Variants in A2M observed in about 807,000 individuals in gnomAD.
A2M encodes C3 and PZP-like alpha-2-macroglobulin domain-containing protein 5.
Under a neutral mutation model 183.9 loss-of-function variants are expected in A2M, and 128 were observed. The observed-to-expected ratio is 0.70, with a 90% CI of 0.60 to 0.81. A2M has a LOEUF of 0.81. Ranked by LOEUF, A2M falls within the 30% of genes least tolerant of loss-of-function variation. The pLI is 0.00. For synonymous variants in A2M, 592 were observed against 670.8 expected (o/e 0.88, Z 1.81); for missense variants, 1,495 against 1,787.6 (o/e 0.84, Z 2.95).
At chr12:9,108,696 G>A (rs1466546322) in intron 7 of A2M, among the ~76,000 whole-genome samples, 1 of 152,156 alleles carries the variant, frequency 6.6e-6, no homozygotes, top group African/African-American at 2.4e-5. Context: ...GTGCCACCAT[G>A]GATGGGAACA....
intron 15 of A2M, among the ~76,000 whole-genome samples, chr12:9,095,993 T>C (rs1357209581): frequency 1.3e-5 from 2 of 151,274 alleles, no homozygotes; most frequent in Non-Finnish European, 2.9e-5. Flanking sequence ...TCTCCTGACC[T>C]CATGATCCAC....
At chr12:9,104,102 A>T in intron 11 of A2M, 137 bp downstream of exon 11, 2 of 851,260 alleles carry the variant, frequency 2.3e-6, no homozygotes, top group Non-Finnish European at 3.5e-6. Flanking sequence ...TAAAAAAGTT[A>T]ACCTTCAATC....
chr12:9,087,694 A>T (rs1949089577), intron 22 of A2M, among the ~76,000 whole-genome samples: 1 of 152,150 alleles, frequency 6.6e-6, no homozygotes, highest in Non-Finnish European at 1.5e-5. Flanking sequence ...GGTTAGCTTG[A>T]TTTAATTATT....
At position 9,069,845 on chromosome 12, in the gene A2M, T is replaced by C. The variant is rs886205090; in HGVS notation, c.4195-32A>G. On this transcript the variant is annotated intron_variant, in intron 32 of 35. Transcript: ENST00000318602. ...AAAATTGAAATACCACAAATGTTAA[T>C]AAATAGATGAAACCCCTGGGGGATC... 5.0e-6 allele frequency: 8 copies of C among 1,600,850 alleles called. No individual in the cohort carries two copies. In the Admixed American group the frequency reaches 8.3e-5, roughly 17 times the overall value.
At position 9,072,799 on chromosome 12, in the gene A2M, G is replaced by T. The variant is rs372114265; in HGVS notation, c.3829C>A (p.Gln1277Lys). The change falls in exon 30 of 36, where the codon CAG becomes AAG. Residue 1277 changes from glutamine to lysine, a missense_variant. By Grantham distance (53) the Gln-to-Lys change is moderately conservative. Coordinates refer to ENST00000318602, the MANE Select transcript of A2M (RefSeq NM_000014.6). The part of the protein sequence containing the change: ...ATFTRTGKAA[Q>K]VTIQSSGTFS... ...GTCCCTGAAGACTGGATAGTCACCT[G>T]TGCAGCCTTCCCAGTCCTGGTAAAT... is the stretch of plus-strand genomic sequence containing the variant. The T allele has an allele frequency of 3.1e-5, 50 of 1,614,212 alleles. No homozygotes were observed. In the African/African-American group the frequency reaches 6.0e-4, roughly 19 times the overall value.
chr12:9,115,704 A>T, intron 1 of A2M, 60 bp downstream of exon 1: 2 of 1,296,376 alleles, frequency 1.5e-6, no homozygotes, highest in Non-Finnish European at 2.2e-6. Flanking sequence ...ATATAAAGAA[A>T]AATCTGCAAT....
chr12:9,075,873 G>A (rs2137676936), intron 28 of A2M, among the ~76,000 whole-genome samples: 1 of 152,252 alleles, frequency 6.6e-6, no homozygotes, highest in Admixed American at 6.5e-5. Context: ...CTATGAGAGA[G>A]TTGTACAGTG....
rs754056581 is a variant in A2M, at chr12:9,079,258, G to C, written c.3105C>G (p.Asn1035Lys). Residue 1035 changes from asparagine (N) to lysine (K), a missense_variant, in exon 25 of 36, where the codon AAC (asparagine) becomes AAG (lysine). Transcript: ENST00000318602. ...YSTFGERYGR[N>K]QGNTWLTAFV... The stretch of plus-strand genomic sequence containing the variant: ...TCTTTCCTTACCAGGTGTTGCCCTG[G>C]TTCCTGCCATATCGCTCCCCAAAGG... The C allele has an allele frequency of 1.2e-6, 2 of 1,613,452 alleles. No homozygotes were observed. The highest frequency in any genetic ancestry group is 2.7e-5 in the African/African-American group (2 of 74,818).
chr12:9,111,311 C>G (rs1332825445), intron 4 of A2M, among the ~76,000 whole-genome samples: 3 of 152,052 alleles, frequency 2.0e-5, no homozygotes, highest in Admixed American at 6.6e-5. Context: ...TTTTAAAAAT[C>G]AATACGTATA....
In A2M at chr12:9,110,318, A is replaced by G; in HGVS notation, c.500T>C (p.Ile167Thr). Residue 167 changes from isoleucine to threonine, a missense_variant, in exon 5 of 36, where the codon ATT becomes ACT. Ile to Thr is a moderately conservative substitution (Grantham distance 89). Transcript: ENST00000318602. Reference sequence around the variant, plus strand: ...GGAATGTTTCATGTTGCTTACCTGAATGTATACTAGTGGAATCTGAAAGAC... The same window carrying G: ...GGAATGTTTCATGTTGCTTACCTGAGTGTATACTAGTGGAATCTGAAAGAC... ...PLNELIPLVY[I>T]QDPKGNRIAQ... The G allele has an allele frequency of 1.4e-6, 2 of 1,463,310 alleles. No individual in the cohort carries two copies. The highest frequency in any genetic ancestry group is 1.3e-5 in the South Asian group (1 of 76,554). 90.6% of individuals were successfully genotyped at this position (1,463,310 alleles called of 1,614,324 possible).
chr12:9,069,852 A>T (rs747068430), intron 32 of A2M, 39 bp from the exon 33 acceptor site: 3 of 1,584,668 alleles, frequency 1.9e-6, no homozygotes, highest in South Asian at 1.1e-5. Context: ...TAATAAATAG[A>T]TGAAACCCCT....
intron 22 of A2M, 33 bp downstream of exon 22, chr12:9,089,167 A>AAATT: frequency 1.3e-6 from 2 of 1,493,496 alleles, no homozygotes; most frequent in Non-Finnish European, 1.8e-6. Context: ...GTTAGACTTT[A>AAATT]ATGTTTTTTA....
chr12:9,084,789 C>G (rs186678027), intron 22 of A2M, among the ~76,000 whole-genome samples: 1 of 152,052 alleles, frequency 6.6e-6, no homozygotes, highest in African/African-American at 2.4e-5. Context: ...AAGAGACTCA[C>G]CTAATTTTTA....
intron 16 of A2M, among the ~76,000 whole-genome samples, 166 bp from the exon 17 acceptor site, chr12:9,095,250 TC>T (rs1949338029): frequency 6.6e-6 from 1 of 152,250 alleles, no homozygotes; most frequent in African/African-American, 2.4e-5. Context: ...GTAATTTTAT[TC>T]TTTTCATTAA....
intron 8 of A2M, 59 bp downstream of exon 8, chr12:9,107,465 C>T: frequency 6.3e-7 from 1 of 1,588,278 alleles, no homozygotes; most frequent in African/African-American, 1.3e-5. Context: ...TGCTGCAACT[C>T]ACTGCTTTTC....
intron 14 of A2M, 132 bp downstream of exon 14, chr12:9,099,249 A>T (rs1413303595): frequency 1.2e-6 from 1 of 815,634 alleles, no homozygotes; most frequent in East Asian, 2.7e-5. Context: ...TGACTCTGCC[A>T]CTACCTTGCT....
At chr12:9,111,386 G>C in intron 4 of A2M, 3 of 365,894 alleles carry the variant, frequency 8.2e-6, no homozygotes, top group Non-Finnish European at 1.6e-5. Flanking sequence ...TGGGTGTGGT[G>C]CCTCATTTTA....
intron 7 of A2M, 137 bp downstream of exon 7, chr12:9,109,184 T>C: frequency 1.6e-6 from 1 of 626,706 alleles, no homozygotes; most frequent in South Asian, 2.1e-5. Context: ...AGAATAACAT[T>C]CTACAGATGA....
In A2M at chr12:9,091,424, G is replaced by A; in HGVS notation, c.2246C>T (p.Ala749Val). Residue 749 changes from alanine to valine, a missense_variant, in exon 19 of 36, where the codon GCA becomes GTA. Physicochemically the swap from Ala to Val is moderately conservative, Grantham distance 64. Transcript: ENST00000318602. Reference protein sequence around the residue: ...WIWDLVVVNSAGVAEVGVTVP... With the variant: ...WIWDLVVVNSVGVAEVGVTVP... ...TGTTACTCCTACCTCAGCCACACCT[G>A]CTGAGCTGGAGAGGAGTGTAAGTGA... The A allele has an allele frequency of 1.2e-6, 2 of 1,614,148 alleles. No homozygotes were observed. Among genetic ancestry groups the A allele is most frequent in the Non-Finnish European group, 1.7e-6 (2 of 1,180,018 alleles).
Sources: gnomAD v4.1 joint callset for allele counts (sites outside exome capture counted in the v4.1 genomes callset) on GRCh38, gnomAD v4.1.1 for gene constraint, MANE v1.5 for transcripts, NCBI Gene and HGNC (gene_info 2026-07-23, HGNC 2026-07-21) for gene names.